Variants in PAX9 observed in about 807,000 individuals in gnomAD.
The protein encoded by PAX9 is paired box 9.
PAX9 carries 6 observed loss-of-function variants against 29.1 expected under a neutral mutation model. That is an observed-to-expected ratio of 0.21 (90% CI 0.11 to 0.41). PAX9 has a LOEUF of 0.41. PAX9 is among the 10% of genes least tolerant of loss of function. The pLI, the probability that PAX9 is intolerant of heterozygous loss-of-function variation, is 1.00. For missense variants in PAX9, 443 were observed against 479.1 expected (o/e 0.92, Z 0.70); for synonymous variants, 217 against 211.7 (o/e 1.03, Z -0.22).
intron 3 of PAX9, among the ~76,000 whole-genome samples, chr14:36,668,258 A>G (rs1881577261): frequency 1.3e-5 from 2 of 152,240 alleles, no homozygotes; most frequent in Admixed American, 6.5e-5. Context: ...AGTGCTTTTT[A>G]TTAGGTCATC....
rs12883298 is a variant in PAX9 at position 36,662,788 on chromosome 14, G to C, written c.5-109G>C. 824,237 of 1,353,904 alleles carry C rather than the reference G, an allele frequency of 0.61. 254,538 individuals are homozygous for C. The highest frequency in any genetic ancestry group is 0.73 in the East Asian group (31,647 of 43,218). 83.9% of individuals were successfully genotyped at this position (1,353,904 alleles called of 1,614,324 possible). On this transcript the variant is annotated intron_variant, in intron 1 of 3. Transcript: ENST00000361487. Reference sequence around the variant, plus strand: ...TTGGGGACAGCCCCAGTAGTTAGTAGGGGACGGGTGCGTTCGCCCAGTCCC... The same window carrying C: ...TTGGGGACAGCCCCAGTAGTTAGTACGGGACGGGTGCGTTCGCCCAGTCCC...
At position 36,673,190 on chromosome 14, in the gene PAX9, A is replaced by C. The variant is rs139121437; in HGVS notation, c.772-3008A>C. Among the ~76,000 whole-genome samples, 1,114 of 152,160 alleles carry C rather than the reference A, an allele frequency of 7.3e-3. 12 individuals carry two copies. The highest frequency in any genetic ancestry group is 0.025 in the African/African-American group (1,054 of 41,498). On this transcript the variant is annotated intron_variant, in intron 3 of 3. Coordinates refer to ENST00000361487, the MANE Select transcript of PAX9 (RefSeq NM_001372076.1). ...CGCCTTTTTCTATGAGATGAAATCA[A>C]CCATCTCCGAGCTTCTCTTCCTACC...
chr14:36,678,092 A>G lies in PAX9; in HGVS notation c.*1640A>G, dbSNP rs1032519704. 1.6e-5 allele frequency: 3 copies of G among 185,114 alleles called. No homozygotes were observed. Among genetic ancestry groups the G allele is most frequent in the Admixed American group, 5.9e-5 (1 of 17,066 alleles). The allele number at this position is 185,114 out of a possible 1,614,324, so 11.5% of individuals were successfully genotyped here. On this transcript the variant is annotated 3_prime_UTR_variant, in exon 4 of 4. Coordinates refer to ENST00000361487, the MANE Select transcript of PAX9 (RefSeq NM_001372076.1). ...TAACTAAAAGAGCACCTCACTGGAT[A>G]TGGATGTTGAAGATGGATTCCCTAG... is the stretch of plus-strand genomic sequence containing the variant.
chr14:36,662,945 G>A lies in PAX9; in HGVS notation c.53G>A (p.Gly18Glu). The A allele has an allele frequency of 6.2e-7, 1 of 1,613,190 alleles. No homozygotes were observed. The highest frequency in any genetic ancestry group is 8.5e-7 in the Non-Finnish European group (1 of 1,179,790). Residue 18 changes from glycine (G) to glutamate (E), a missense_variant, in exon 2 of 4, where the codon GGG (glycine) becomes GAG (glutamate). This residue lies in a region of PAX9 where 107 missense variants were observed against 161.9 expected (regional missense o/e 0.66). Coordinates refer to ENST00000361487, the MANE Select transcript of PAX9 (RefSeq NM_001372076.1). ...VNQLGGVFVN[G>E]RPLPNAIRLR... ...CAGCTGGGAGGAGTGTTCGTGAACG[G>A]GAGGCCGCTGCCCAACGCCATCCGG... is the stretch of plus-strand genomic sequence containing the variant.
At chr14:36,672,439 G>A (rs143484408) in intron 3 of PAX9, among the ~76,000 whole-genome samples, 1 of 152,256 alleles carries the variant, frequency 6.6e-6, no homozygotes, top group African/African-American at 2.4e-5. Flanking sequence ...GTTTTCCTTT[G>A]CGGTGGAAAA....
Position 36,678,457 on chromosome 14 carries a change from A to G in PAX9, c.*2005A>G. Reference sequence around the variant, plus strand: ...CATAGTCTTCCTTTGATCTTGTAAAACTTCCATTGACATCTGGAGTTCCCA... The same window carrying G: ...CATAGTCTTCCTTTGATCTTGTAAAGCTTCCATTGACATCTGGAGTTCCCA... On this transcript the variant is annotated 3_prime_UTR_variant, in exon 4 of 4. Transcript: ENST00000361487. 1 of 1,522,222 alleles carries G rather than the reference A, an allele frequency of 6.6e-7. No homozygotes were observed. Among genetic ancestry groups the G allele is most frequent in the Non-Finnish European group, 8.8e-7 (1 of 1,133,176 alleles). 94.3% of individuals were successfully genotyped at this position (1,522,222 alleles called of 1,614,324 possible).
Position 36,678,430 on chromosome 14 carries a change from G to A in PAX9, c.*1978G>A, listed in dbSNP as rs955257035. 2 of 1,385,516 alleles carry A rather than the reference G, an allele frequency of 1.4e-6. No individual in the cohort carries two copies. The highest frequency in any genetic ancestry group is 2.0e-6 in the Non-Finnish European group (2 of 1,008,664). The allele number at this position is 1,385,516 out of a possible 1,614,324, so 85.8% of individuals were successfully genotyped here. On this transcript the variant is annotated 3_prime_UTR_variant, in exon 4 of 4. Transcript: ENST00000361487. ...CAGAAGGAGCAGATGAACTCTCAGG[G>A]CCATAGTCTTCCTTTGATCTTGTAA...
rs200113610 is a variant in PAX9, at chr14:36,677,518, A to C, written c.*1066A>C. ...GTGAAATGTTTTGCAAAGATGCTTA[A>C]AATGAACTTTGTGTTAAGAAAACCA... On this transcript the variant is annotated 3_prime_UTR_variant, in exon 4 of 4. Coordinates refer to ENST00000361487, the MANE Select transcript of PAX9 (RefSeq NM_001372076.1). The C allele has an allele frequency of 4.6e-5, 7 of 152,234 alleles. No individual in the cohort carries two copies. The East Asian group carries it at 1.3e-3, about 29-fold the overall frequency. The allele number at this position is 152,234 out of a possible 1,614,324, so 9.4% of individuals were successfully genotyped here.
chr14:36,661,969 G>C lies in PAX9; in HGVS notation c.-121G>C. On this transcript the variant is annotated 5_prime_UTR_variant, in exon 1 of 4. Transcript: ENST00000361487. ...TTTGCCCTCTCGCCTCCTCCTCCTG[G>C]GAAGAAGCGGAGGCGCCGGCGGTCG... is the stretch of plus-strand genomic sequence containing the variant. 2 of 1,241,660 alleles carry C rather than the reference G, an allele frequency of 1.6e-6. No homozygotes were observed. Among genetic ancestry groups the C allele is most frequent in the Non-Finnish European group, 2.3e-6 (2 of 865,766 alleles). 76.9% of individuals were successfully genotyped at this position (1,241,660 alleles called of 1,614,324 possible). A position where few individuals can be genotyped will look rare whatever the true frequency, so the allele number is the denominator to read the frequency against.
rs145974094 is a variant in PAX9 at position 36,676,201 on chromosome 14, C to T, written c.775C>T (p.Pro259Ser). 22 of 1,614,020 alleles carry T rather than the reference C, an allele frequency of 1.4e-5. No homozygotes were observed. The highest frequency in any genetic ancestry group is 1.7e-5 in the Non-Finnish European group (20 of 1,180,010). Residue 259 changes from proline (P) to serine (S), a missense_variant, in exon 4 of 4, where the codon CCA (proline) becomes TCA (serine). Around this residue, in one of 2 missense-constraint regions of PAX9, gnomAD observed 336 missense variants for 317.2 expected, o/e 1.06. Transcript: ENST00000361487. ...LEQEAKYGQA[P>S]NGLPAVGSFV... ...ACTTCTTTTCTACTCCTCTCAGGCA[C>T]CAAATGGTCTCCCAGCTGTGGGCAG...
At chr14:36,664,363 C>T (rs528685762) in intron 2 of PAX9, among the ~76,000 whole-genome samples, 1 of 90,474 alleles carries the variant, frequency 1.1e-5, no homozygotes, top group Non-Finnish European at 2.6e-5. Flanking sequence ...TTGGGGTCCC[C>T]GGGTCCCCGG....
chr14:36,671,343 T>C (rs1881686576), intron 3 of PAX9, among the ~76,000 whole-genome samples: 1 of 152,146 alleles, frequency 6.6e-6, no homozygotes, highest in South Asian at 2.1e-4. Flanking sequence ...TCACAAGTGT[T>C]TTGATACTAA....
chr14:36,663,288 C>T lies in PAX9; in HGVS notation c.396C>T (p.Gly132=). 6.2e-7 allele frequency: 1 copy of T among 1,614,192 alleles called. No homozygotes were observed. The highest frequency in any genetic ancestry group is 8.5e-7 in the Non-Finnish European group (1 of 1,180,046). Residue 132 remains glycine, a synonymous_variant, in exon 2 of 4, where the codon GGC becomes GGT. Coordinates refer to ENST00000361487, the MANE Select transcript of PAX9 (RefSeq NM_001372076.1). The stretch of plus-strand genomic sequence containing the variant: ...GCCGCATTCTGCGCAACAAGATCGG[C>T]AACTTGGCCCAGCAGGGTCATTACG... ...SISRILRNKI[G]NLAQQGHYDS...
At chr14:36,665,126 C>T (rs1001843928) in intron 2 of PAX9, among the ~76,000 whole-genome samples, 3 of 130,198 alleles carry the variant, frequency 2.3e-5, no homozygotes, top group Non-Finnish European at 4.7e-5. Context: ...GCAAATGGGA[C>T]TCAATCTAAT....
chr14:36,672,906 C>T (rs1446857936), intron 3 of PAX9, among the ~76,000 whole-genome samples: 2 of 96,444 alleles, frequency 2.1e-5, no homozygotes, highest in Non-Finnish European at 4.1e-5. Flanking sequence ...ACTCTTGTTG[C>T]CCAGGCTGGA....
chr14:36,666,669 T>C, intron 3 of PAX9, 68 bp downstream of exon 3: 1 of 1,530,612 alleles, frequency 6.5e-7, no homozygotes, highest in Non-Finnish European at 8.9e-7. Flanking sequence ...GAACACTTTG[T>C]GATGGGTCCC....
intron 3 of PAX9, among the ~76,000 whole-genome samples, chr14:36,667,227 G>GA (rs991291149): frequency 1.3e-5 from 2 of 152,138 alleles, no homozygotes; most frequent in Non-Finnish European, 2.9e-5. Flanking sequence ...AAGTTAGTGA[G>GA]AAAACCTCAA....
At chr14:36,667,805 A>C (rs906789371) in intron 3 of PAX9, among the ~76,000 whole-genome samples, 13 of 152,218 alleles carry the variant, frequency 8.5e-5, no homozygotes, top group African/African-American at 2.9e-4. Flanking sequence ...TACTGTGAAG[A>C]ATGTCAATGA....
upstream of PAX9, among the ~76,000 whole-genome samples, chr14:36,659,697 G>T (rs575613678): frequency 9.9e-5 from 15 of 152,146 alleles, no homozygotes; most frequent in Non-Finnish European, 1.9e-4. Flanking sequence ...GAGGCCACAT[G>T]GTCACAGCCA....
Sources: gnomAD v4.1 joint callset for allele counts (sites outside exome capture counted in the v4.1 genomes callset) on GRCh38, gnomAD v4.1.1 for gene constraint, gnomAD v4.1.1 regional missense constraint, MANE v1.5 for transcripts, NCBI Gene and HGNC (gene_info 2026-07-23, HGNC 2026-07-21) for gene names.